GRIA2: variants seen among roughly 807,000 people sequenced by gnomAD.
The protein encoded by GRIA2 is glutamate receptor 2.
Under a neutral mutation model 97.3 loss-of-function variants are expected in GRIA2, and 14 were observed. The ratio of observed to expected loss-of-function variants is 0.14; its 90% CI spans 0.10 to 0.23. The LOEUF is 0.23. Among genes scored for constraint, GRIA2 ranks in the 10% least tolerant of loss-of-function variants. The pLI, the probability that GRIA2 is intolerant of heterozygous loss-of-function variation, is 1.00. For synonymous variants in GRIA2, 412 were observed against 387.8 expected (o/e 1.06, Z -0.73); for missense variants, 558 against 1,069.8 (o/e 0.52, Z 6.67).
intron 2 of GRIA2, among the ~76,000 whole-genome samples, chr4:157,264,204 A>C (rs2126775213): frequency 6.6e-6 from 1 of 152,250 alleles, no homozygotes; most frequent in East Asian, 1.9e-4. Flanking sequence ...ACCGTGATTT[A>C]TAACAATACA....
At chr4:157,281,954 T>C (rs1732618177) in intron 2 of GRIA2, among the ~76,000 whole-genome samples, 2 of 152,158 alleles carry the variant, frequency 1.3e-5, no homozygotes, top group African/African-American at 4.8e-5. Context: ...TTTAGCATGC[T>C]GTCTCAAAAT....
intron 12 of GRIA2, among the ~76,000 whole-genome samples, chr4:157,348,151 TATTTTGCATTTCTAGCAGACA>T (rs1413063753): frequency 6.6e-6 from 1 of 152,050 alleles, no homozygotes; most frequent in East Asian, 1.9e-4. Flanking sequence ...AAGTAATTTA[TATTTTGCATTTCTAGCAGACA>T]ATTTTGCTCT....
At chr4:157,330,172 T>G (rs1330151344) in intron 6 of GRIA2, among the ~76,000 whole-genome samples, 2 of 152,046 alleles carry the variant, frequency 1.3e-5, no homozygotes, top group East Asian at 3.9e-4. Flanking sequence ...CTTATTTTAC[T>G]AAACAACCTT....
chr4:157,353,430 G>A (rs1736105621), intron 12 of GRIA2, among the ~76,000 whole-genome samples: 1 of 152,066 alleles, frequency 6.6e-6, no homozygotes, highest in South Asian at 2.1e-4. Flanking sequence ...CAGCACTTTG[G>A]GAGGCCAAGG....
chr4:157,293,873 G>A (rs902493892), intron 2 of GRIA2, among the ~76,000 whole-genome samples: 1 of 152,128 alleles, frequency 6.6e-6, no homozygotes, highest in Non-Finnish European at 1.5e-5. Context: ...CATCAAGGGT[G>A]TGTGAGTCCA....
chr4:157,245,016 TA>T (rs999460764), intron 2 of GRIA2, among the ~76,000 whole-genome samples: 4 of 151,976 alleles, frequency 2.6e-5, no homozygotes, highest in African/African-American at 4.8e-5. Flanking sequence ...AAATACTACA[TA>T]AAAAAATAAT....
Position 157,361,203 on chromosome 4 carries a change from C to A in GRIA2, c.2406+79C>A. On this transcript the variant is annotated intron_variant, in intron 14 of 15. Transcript: ENST00000264426. This position sits in a 1 kb window ranked among gnomAD's most constrained non-coding sequence, Gnocchi z 5.2. ...GCAGCTATGCACAGTGTGGGCACTC[C>A]GTGCCACCAAGTTTCCAACGCTAAG... 1 of 1,092,458 alleles carries A rather than the reference C, an allele frequency of 9.2e-7. No individual in the cohort carries two copies. Among genetic ancestry groups the A allele is most frequent in the Non-Finnish European group, 1.4e-6 (1 of 729,556 alleles). The allele number at this position is 1,092,458 out of a possible 1,614,324, so 67.7% of individuals were successfully genotyped here. A position where few individuals can be genotyped will look rare whatever the true frequency, so the allele number is the denominator to read the frequency against.
At chr4:157,324,713 A>C (rs1242715630) in intron 6 of GRIA2, among the ~76,000 whole-genome samples, 2 of 152,182 alleles carry the variant, frequency 1.3e-5, no homozygotes, top group African/African-American at 4.8e-5. Flanking sequence ...GGAAGTTGCA[A>C]GAGGTAAGGT....
At chr4:157,339,875 A>T (rs979129817) in intron 11 of GRIA2, among the ~76,000 whole-genome samples, 8 of 151,912 alleles carry the variant, frequency 5.3e-5, no homozygotes, top group Admixed American at 4.6e-4. Flanking sequence ...AAATATATTT[A>T]ATATCCTTTT....
chr4:157,329,212 T>A (rs1351309076), intron 6 of GRIA2, among the ~76,000 whole-genome samples: 1 of 151,992 alleles, frequency 6.6e-6, no homozygotes, highest in Non-Finnish European at 1.5e-5. Context: ...AAAATTTTTC[T>A]TATAGATTTA....
intron 2 of GRIA2, among the ~76,000 whole-genome samples, chr4:157,267,201 G>A (rs1196812611): frequency 6.6e-6 from 1 of 151,828 alleles, no homozygotes; most frequent in East Asian, 1.9e-4. Flanking sequence ...TGAGGCAGGC[G>A]GATCATGAGG....
chr4:157,355,611 T>TATTTATTTATATAC (rs1408192294), intron 12 of GRIA2, among the ~76,000 whole-genome samples: 247 of 139,266 alleles, frequency 1.8e-3, no homozygotes, highest in Non-Finnish European at 3.2e-3. Flanking sequence ...TATTTATATA[T>TATTTATTTATATAC]ATTTATTTAT....
chr4:157,321,594 A>G lies in GRIA2; in HGVS notation c.877A>G (p.Ile293Val), dbSNP rs762679610. ...KEYPGAHTTTIKYTSALTYDA... is the reference protein window; with the variant it reads ...KEYPGAHTTTVKYTSALTYDA... ...ATACCCTGGAGCTCACACAACAACA[A>G]TTAAGGTTTGCTTTGGTTTCTGTCT... The change falls in exon 6 of 16, where the codon ATT becomes GTT. Residue 293 changes from isoleucine (I) to valine (V), a missense_variant. Physicochemically the swap from Ile to Val is conservative, Grantham distance 29 (BLOSUM62 3). Coordinates refer to ENST00000264426, the MANE Select transcript of GRIA2 (RefSeq NM_001083619.3). The G allele has an allele frequency of 1.2e-6, 2 of 1,603,954 alleles. No homozygotes were observed. The highest frequency in any genetic ancestry group is 2.2e-5 in the East Asian group (1 of 44,678).
chr4:157,293,941 C>T (rs540288784), intron 2 of GRIA2, among the ~76,000 whole-genome samples: 2 of 151,810 alleles, frequency 1.3e-5, no homozygotes, highest in Non-Finnish European at 2.9e-5. Context: ...TGCTAATGGC[C>T]CAGAGCATTT....
In GRIA2 at chr4:157,336,011, A is replaced by T. The variant is rs1356132188; in HGVS notation, c.1473+134A>T. The T allele has an allele frequency of 1.5e-5, 10 of 685,154 alleles. No individual in the cohort carries two copies. The East Asian group carries it at 2.7e-4, about 19-fold the overall frequency. The allele number at this position is 685,154 out of a possible 1,614,324, so 42.4% of individuals were successfully genotyped here. ...TTACTCTAGAAACATTATCTTGTTG[A>T]TTTGTGAACATCTGAAAGATTAAGA... On this transcript the variant is annotated intron_variant, in intron 10 of 15. Transcript: ENST00000264426.
At chr4:157,272,815 G>T (rs185517041) in intron 2 of GRIA2, among the ~76,000 whole-genome samples, 1 of 152,202 alleles carries the variant, frequency 6.6e-6, no homozygotes, top group East Asian at 1.9e-4. Context: ...CAAACATTCT[G>T]TCTCATTTAA....
chr4:157,359,083 C>T (rs1736522307), intron 12 of GRIA2, among the ~76,000 whole-genome samples: 1 of 152,118 alleles, frequency 6.6e-6, no homozygotes, highest in African/African-American at 2.4e-5. Context: ...CTTTGACTTT[C>T]CAACTCTATG....
intron 2 of GRIA2, among the ~76,000 whole-genome samples, chr4:157,224,234 A>T (rs188017352): frequency 1.3e-5 from 2 of 152,300 alleles, no homozygotes; most frequent in East Asian, 3.9e-4. Flanking sequence ...ATGGATTATT[A>T]TAGTAGGATA....
At chr4:157,291,206 G>C (rs544885644) in intron 2 of GRIA2, among the ~76,000 whole-genome samples, 1 of 151,818 alleles carries the variant, frequency 6.6e-6, no homozygotes, top group Non-Finnish European at 1.5e-5. Flanking sequence ...GGAGCTTCAC[G>C]CTCTTTCCCG....
Sources: allele counts gnomAD v4.1 joint callset (sites outside exome capture counted in the v4.1 genomes callset), GRCh38; gene constraint gnomAD v4.1.1; non-coding constraint Gnocchi (gnomAD v3.1); transcripts MANE v1.5; gene names NCBI Gene and HGNC (gene_info 2026-07-23, HGNC 2026-07-21).